The following FSTL5 variants were observed in gnomAD, a reference collection of about 807,000 sequenced individuals.
FSTL5 encodes follistatin like 5.
Under a neutral mutation model 89.1 loss-of-function variants are expected in FSTL5, and 62 were observed. The observed-to-expected ratio is 0.70, with a 90% CI of 0.57 to 0.86. The LOEUF is 0.86. FSTL5 is among the 40% of genes least tolerant of loss of function. FSTL5 has a pLI of 0.00. For synonymous variants in FSTL5, 383 were observed against 346.2 expected (o/e 1.11, Z -1.18); for missense variants, 1,057 against 1,001.6 (o/e 1.06, Z -0.75).
At chr4:161,663,412 T>C (rs1560777388) in intron 6 of FSTL5, among the ~76,000 whole-genome samples, 1 of 152,142 alleles carries the variant, frequency 6.6e-6, no homozygotes, top group East Asian at 1.9e-4. Flanking sequence ...AAGGGAGATA[T>C]TGGCCAAAAC....
chr4:162,042,862 C>G (rs142516088), intron 2 of FSTL5, among the ~76,000 whole-genome samples: 1 of 144,916 alleles, frequency 6.9e-6, no homozygotes, highest in Admixed American at 7.1e-5. Context: ...AACCAAACAC[C>G]GCATATTCTC....
intron 3 of FSTL5, among the ~76,000 whole-genome samples, chr4:161,954,595 C>T (rs1346958144): frequency 6.6e-6 from 1 of 151,584 alleles, no homozygotes; most frequent in Non-Finnish European, 1.5e-5. Flanking sequence ...TATGTATTTA[C>T]ATGTGTATAT....
intron 4 of FSTL5, among the ~76,000 whole-genome samples, chr4:161,866,509 G>GTGTGTGTGT (rs1349853375): frequency 1.5e-5 from 1 of 68,184 alleles, no homozygotes; most frequent in African/African-American, 4.9e-5. Context: ...TGTGTGTGTG[G>GTGTGTGTGT]TTTCAATCTT....
intron 13 of FSTL5, among the ~76,000 whole-genome samples, chr4:161,467,080 A>G (rs1040119215): frequency 6.6e-6 from 1 of 152,106 alleles, no homozygotes; most frequent in Non-Finnish European, 1.5e-5. Context: ...CTGGACTGAA[A>G]AAGAAAACTT....
At chr4:161,797,739 A>G (rs1218012363) in intron 4 of FSTL5, among the ~76,000 whole-genome samples, 1 of 151,670 alleles carries the variant, frequency 6.6e-6, no homozygotes, top group East Asian at 1.9e-4. Flanking sequence ...CATTTTTCTC[A>G]TAAATAGCAG....
In FSTL5 at chr4:161,385,907, C is replaced by T. The variant is rs111918853; in HGVS notation, c.2384G>A (p.Arg795Gln). 2.7e-3 allele frequency: 4,362 copies of T among 1,613,806 alleles called. 102 individuals carry two copies. In the African/African-American group the frequency reaches 0.052, roughly 19 times the overall value. The change falls in exon 16 of 16, where the codon CGG (arginine) becomes CAG (glutamine). Residue 795 changes from arginine to glutamine, a missense_variant. Arg to Gln is a conservative substitution (Grantham distance 43). This residue lies in a region of FSTL5 where 68 missense variants were observed against 73.3 expected (regional missense o/e 0.93). Coordinates refer to ENST00000306100, the MANE Select transcript of FSTL5 (RefSeq NM_020116.5). ...PLKAEEWPWN[R>Q]KNRQIQDSGL... ...ACTGTCCTGGATTTGCCTGTTTTTCCGGTTCCAAGGCCATTCTTCTGCCTT... is the reference window on the plus strand; with the variant it reads ...ACTGTCCTGGATTTGCCTGTTTTTCTGGTTCCAAGGCCATTCTTCTGCCTT...
At chr4:161,889,602 C>A (rs2110746505) in intron 4 of FSTL5, among the ~76,000 whole-genome samples, 1 of 152,240 alleles carries the variant, frequency 6.6e-6, no homozygotes, top group South Asian at 2.1e-4. Context: ...CAAGATCGTG[C>A]CATTGCACTC....
In FSTL5 at chr4:161,385,669, T is replaced by A; in HGVS notation, c.*78A>T. The A allele has an allele frequency of 8.9e-7, 1 of 1,119,426 alleles. No homozygotes were observed. The highest frequency in any genetic ancestry group is 2.4e-5 in the East Asian group (1 of 41,840). The allele number at this position is 1,119,426 out of a possible 1,614,324, so 69.3% of individuals were successfully genotyped here. ...TTGACTAGGATATAAACTTGGAAAG[T>A]TAAGTTGTAAATTTAAACAATGGAT... On this transcript the variant is annotated 3_prime_UTR_variant, in exon 16 of 16. Transcript: ENST00000306100.
chr4:162,073,378 A>G (rs2111315103), intron 2 of FSTL5, among the ~76,000 whole-genome samples: 1 of 151,868 alleles, frequency 6.6e-6, no homozygotes, highest in Non-Finnish European at 1.5e-5. Flanking sequence ...CTTACAATAA[A>G]TTATCTGATT....
intron 5 of FSTL5, among the ~76,000 whole-genome samples, chr4:161,773,894 G>A (rs1741299107): frequency 6.6e-6 from 1 of 152,140 alleles, no homozygotes; most frequent in Non-Finnish European, 1.5e-5. Flanking sequence ...GCACTCTTAT[G>A]TTTATAGTAG....
At chr4:161,435,989 C>G (rs1288062297) in intron 15 of FSTL5, among the ~76,000 whole-genome samples, 4 of 152,094 alleles carry the variant, frequency 2.6e-5, no homozygotes, top group Non-Finnish European at 4.4e-5. Flanking sequence ...GTTATTTTCT[C>G]TACCTATAAG....
intron 3 of FSTL5, among the ~76,000 whole-genome samples, chr4:161,987,554 T>C (rs922244460): frequency 1.4e-5 from 2 of 147,350 alleles, no homozygotes; most frequent in African/African-American, 4.9e-5. Flanking sequence ...TGAAAGTATA[T>C]ATACTTTATT....
At chr4:161,764,068 T>C (rs1740904016) in intron 5 of FSTL5, among the ~76,000 whole-genome samples, 1 of 152,170 alleles carries the variant, frequency 6.6e-6, no homozygotes. Context: ...TCACAGTCCC[T>C]GCTCTCATTG....
chr4:162,057,310 A>G (rs1738577232), intron 2 of FSTL5, among the ~76,000 whole-genome samples: 1 of 152,196 alleles, frequency 6.6e-6, no homozygotes, highest in African/African-American at 2.4e-5. Flanking sequence ...GGAAGGCTCT[A>G]TTCTGATAAA....
At chr4:161,498,174 T>C (rs547631629) in intron 12 of FSTL5, among the ~76,000 whole-genome samples, 17 of 152,102 alleles carry the variant, frequency 1.1e-4, no homozygotes, top group African/African-American at 4.1e-4. Flanking sequence ...GAGAAATAAA[T>C]ATACACAATT....
intron 7 of FSTL5, among the ~76,000 whole-genome samples, chr4:161,628,678 A>G (rs1489338583): frequency 6.6e-6 from 1 of 152,210 alleles, no homozygotes; most frequent in Non-Finnish European, 1.5e-5. Context: ...TTTACAATGC[A>G]TCTCAATCTG....
At chr4:161,490,728 C>T (rs147443721) in intron 12 of FSTL5, among the ~76,000 whole-genome samples, 43 of 152,154 alleles carry the variant, frequency 2.8e-4, no homozygotes, top group African/African-American at 1.0e-3. Flanking sequence ...AAATGTTTTA[C>T]AGAGATAATT....
rs113827444 is a variant in FSTL5 at position 162,049,946 on chromosome 4, C to T, written c.127-16288G>A. On this transcript the variant is annotated intron_variant, in intron 2 of 15. Coordinates refer to ENST00000306100, the MANE Select transcript of FSTL5 (RefSeq NM_020116.5). ...TGAATATGAGATAGGAGTTAAATAG[C>T]AGGATAAATGAAGCTGAATTATTAG... Among the ~76,000 whole-genome samples the T allele has an allele frequency of 2.3e-3, 351 of 151,826 alleles. 2 individuals are homozygous for T. The highest frequency in any genetic ancestry group is 7.7e-3 in the African/African-American group (318 of 41,444).
intron 3 of FSTL5, among the ~76,000 whole-genome samples, chr4:162,019,460 A>G (rs549354030): frequency 3.9e-5 from 6 of 152,144 alleles, no homozygotes; most frequent in Admixed American, 1.3e-4. Flanking sequence ...TATATTTCCT[A>G]TTATTTATAC....
Sources: gnomAD v4.1 joint callset for allele counts (sites outside exome capture counted in the v4.1 genomes callset) on GRCh38, gnomAD v4.1.1 for gene constraint, gnomAD v4.1.1 regional missense constraint, MANE v1.5 for transcripts, NCBI Gene and HGNC (gene_info 2026-07-23, HGNC 2026-07-21) for gene names.